Variants in ZFHX3 observed in about 807,000 individuals in gnomAD.
ZFHX3 encodes zinc finger homeobox protein 3.
Under a neutral mutation model 279.1 loss-of-function variants are expected in ZFHX3, and 42 were observed. The ratio of observed to expected loss-of-function variants is 0.15; its 90% CI spans 0.12 to 0.19. The LOEUF is 0.19. Among genes scored for constraint, ZFHX3 ranks in the 10% least tolerant of loss-of-function variants. ZFHX3 has a pLI of 1.00. For missense variants in ZFHX3, 4,981 were observed against 4,754.0 expected (o/e 1.05, Z -1.40); for synonymous variants, 2,293 against 1,957.8 (o/e 1.17, Z -4.52).
At chr16:73,432,610 C>G (rs918331625) in intron 3 of ZFHX3, among the ~76,000 whole-genome samples, 1 of 152,140 alleles carries the variant, frequency 6.6e-6, no homozygotes, top group Non-Finnish European at 1.5e-5. Context: ...TGTTTGTCAC[C>G]TCATGCCTCT....
intron 2 of ZFHX3, among the ~76,000 whole-genome samples, chr16:73,508,998 T>C (rs2019376651): frequency 6.6e-6 from 1 of 152,196 alleles, no homozygotes; most frequent in African/African-American, 2.4e-5. Context: ...AGAAATTCAA[T>C]GGCAATGGAC....
At chr16:73,250,241 T>A (rs569598201) in intron 5 of ZFHX3, among the ~76,000 whole-genome samples, 2 of 152,246 alleles carry the variant, frequency 1.3e-5, no homozygotes, top group Non-Finnish European at 2.9e-5. Context: ...CATATCATGA[T>A]ATACCAAGCA....
In ZFHX3 at chr16:73,542,292, G is replaced by A. The variant is rs887663217; in HGVS notation, c.-1546-86034C>T. 2.0e-5 allele frequency among the ~76,000 whole-genome samples: 3 copies of A among 152,170 alleles called. No individual in the cohort carries two copies. The East Asian group carries it at 5.8e-4, about 29-fold the overall frequency. Reference sequence around the variant, plus strand: ...GGGCCTGGGGCGGGGGCTGCACAGGGTGGGACTGGGCTGAGATGTTTGAAT... The same window carrying A: ...GGGCCTGGGGCGGGGGCTGCACAGGATGGGACTGGGCTGAGATGTTTGAAT... On this transcript the variant is annotated intron_variant, in intron 2 of 17. Transcript: ENST00000641206.
intron 4 of ZFHX3, among the ~76,000 whole-genome samples, chr16:73,261,668 GTTTTTT>G (rs1187489542): frequency 1.2e-5 from 1 of 80,714 alleles, no homozygotes; most frequent in Non-Finnish European, 2.3e-5. Context: ...TCCTGTGATT[GTTTTTT>G]TTTTTTTTTT....
intron 2 of ZFHX3, chr16:73,609,299 C>T (rs984508009): frequency 1.3e-5 from 2 of 152,132 alleles, no homozygotes; most frequent in African/African-American, 4.8e-5. Flanking sequence ...AGAATGTGCA[C>T]GTATCACTCA....
At chr16:73,349,149 G>T (rs919752881) in intron 3 of ZFHX3, among the ~76,000 whole-genome samples, 1 of 111,582 alleles carries the variant, frequency 9.0e-6, no homozygotes, top group Non-Finnish European at 2.4e-5. Flanking sequence ...GTGTCTTCCT[G>T]CTACCTCTAG....
chr16:73,065,546 G>C (rs143182730), intron 8 of ZFHX3, among the ~76,000 whole-genome samples: 276 of 149,586 alleles, frequency 1.8e-3, no homozygotes, highest in Admixed American at 3.5e-3. Flanking sequence ...AAATCAGTGG[G>C]GGACGAACTA....
intron 2 of ZFHX3, among the ~76,000 whole-genome samples, chr16:73,607,649 G>C (rs1200588453): frequency 6.6e-6 from 1 of 152,030 alleles, no homozygotes; most frequent in African/African-American, 2.4e-5. Context: ...ATCAACACAA[G>C]GTATTATTAT....
chr16:73,397,172 C>T (rs2017147745), intron 3 of ZFHX3, among the ~76,000 whole-genome samples: 1 of 152,194 alleles, frequency 6.6e-6, no homozygotes, highest in South Asian at 2.1e-4. Context: ...TCTAGACAGA[C>T]AGTAAATACC....
intron 2 of ZFHX3, among the ~76,000 whole-genome samples, chr16:73,524,725 C>T (rs1376462874): frequency 6.6e-6 from 1 of 152,210 alleles, no homozygotes; most frequent in Non-Finnish European, 1.5e-5. Context: ...GAGCAAACCT[C>T]TAGATGCGAC....
At chr16:73,226,643 T>C (rs1275121718) in intron 5 of ZFHX3, among the ~76,000 whole-genome samples, 2 of 152,248 alleles carry the variant, frequency 1.3e-5, no homozygotes, top group Admixed American at 6.5e-5. Flanking sequence ...CTTGTAGTTA[T>C]GGATCAGTGT....
intron 2 of ZFHX3, among the ~76,000 whole-genome samples, chr16:72,953,481 C>T (rs1441517113): frequency 1.3e-5 from 2 of 152,182 alleles, no homozygotes; most frequent in Non-Finnish European, 2.9e-5. Flanking sequence ...TTTTAGATTT[C>T]ACCCCGGCAC....
chr16:73,127,347 A>T, intron 7 of ZFHX3: 1 of 1,305,002 alleles, frequency 7.7e-7, no homozygotes, highest in South Asian at 1.2e-5. Context: ...AGGAAAGCCG[A>T]TAAAAAGTCA....
intron 1 of ZFHX3, among the ~76,000 whole-genome samples, chr16:73,806,937 G>A (rs755101375): frequency 1.3e-5 from 2 of 152,142 alleles, no homozygotes; most frequent in East Asian, 1.9e-4. Context: ...GAATGCGAGC[G>A]TTCCATCCAA....
chr16:72,992,505 A>C (rs1457302017), intron 1 of ZFHX3, among the ~76,000 whole-genome samples: 3 of 152,126 alleles, frequency 2.0e-5, no homozygotes, highest in African/African-American at 7.2e-5. Context: ...GCAGCTTCTA[A>C]CTATGCTCGG....
intron 2 of ZFHX3, among the ~76,000 whole-genome samples, chr16:73,587,592 C>G (rs1489972233): frequency 6.6e-6 from 1 of 152,210 alleles, no homozygotes; most frequent in African/African-American, 2.4e-5. Context: ...GCAAAAGCAG[C>G]AGAATTGGGC....
intron 2 of ZFHX3, among the ~76,000 whole-genome samples, chr16:73,660,509 C>A (rs1445829755): frequency 6.6e-6 from 1 of 152,108 alleles, no homozygotes; most frequent in African/African-American, 2.4e-5. Context: ...AATTAAGAAT[C>A]ATGTTAATCT....
At chr16:73,200,051 A>G (rs764566283) in intron 5 of ZFHX3, among the ~76,000 whole-genome samples, 1 of 152,242 alleles carries the variant, frequency 6.6e-6, no homozygotes, top group Non-Finnish European at 1.5e-5. Context: ...GAAAAAAGAA[A>G]TGGAAGTAAA....
At chr16:73,303,623 T>A (rs575141646) in intron 4 of ZFHX3, among the ~76,000 whole-genome samples, 1 of 152,300 alleles carries the variant, frequency 6.6e-6, no homozygotes, top group African/African-American at 2.4e-5. Context: ...AGCTATTATC[T>A]GTATAAGTCA....
Sources: allele counts gnomAD v4.1 joint callset (sites outside exome capture counted in the v4.1 genomes callset), GRCh38; gene constraint gnomAD v4.1.1; transcripts MANE v1.5; gene names NCBI Gene and HGNC (gene_info 2026-07-23, HGNC 2026-07-21).